FILIP1L: variants seen among roughly 807,000 people sequenced by gnomAD.
FILIP1L encodes filamin A-interacting protein 1-like.
FILIP1L carries 55 observed loss-of-function variants against 96.6 expected under a neutral mutation model. The ratio of observed to expected loss-of-function variants is 0.57; its 90% CI spans 0.46 to 0.71. FILIP1L has a LOEUF of 0.71. Ranked by LOEUF, FILIP1L falls within the 30% of genes least tolerant of loss-of-function variation. The pLI, the probability that FILIP1L is intolerant of heterozygous loss-of-function variation, is 0.00. For synonymous variants in FILIP1L, 467 were observed against 473.9 expected (o/e 0.99, Z 0.19); for missense variants, 1,304 against 1,321.2 (o/e 0.99, Z 0.20).
intron 4 of FILIP1L, among the ~76,000 whole-genome samples, chr3:99,904,953 A>G (rs1361806184): frequency 1.3e-5 from 2 of 152,096 alleles, no homozygotes; most frequent in East Asian, 3.9e-4. Flanking sequence ...TTCAGTGTCT[A>G]CCATTCTGAA....
chr3:99,876,201 A>G, intron 4 of FILIP1L: 5 of 985,344 alleles, frequency 5.1e-6, no homozygotes, highest in African/African-American at 1.7e-5. Flanking sequence ...CGCCCGGCCT[A>G]TGGGCGTTAC....
In FILIP1L at chr3:100,053,562, G is replaced by A. The variant is rs139987817; in HGVS notation, c.-11+60491C>T. ...TTTGACCTCATCTTAACTTGATTAC[G>A]TCAGCAAACACCCTATTTCCAAATA... On this transcript the variant is annotated intron_variant, in intron 1 of 5. Transcript: ENST00000477258. 3.5e-3 allele frequency among the ~76,000 whole-genome samples: 527 copies of A among 152,226 alleles called. 1 individual carries two copies. Among genetic ancestry groups the A allele is most frequent in the Non-Finnish European group, 5.6e-3 (384 of 67,998 alleles).
intron 3 of FILIP1L, among the ~76,000 whole-genome samples, chr3:99,927,664 C>T (rs753774287): frequency 1.1e-4 from 16 of 152,124 alleles, no homozygotes; most frequent in Non-Finnish European, 2.1e-4. Context: ...CCACTGCGCC[C>T]GGCCCATATT....
In FILIP1L at chr3:99,849,819, G is replaced by C. The variant is rs759109740; in HGVS notation, c.1857C>G (p.His619Gln). The C allele has an allele frequency of 8.1e-6, 13 of 1,611,568 alleles. No individual in the cohort carries two copies. The highest frequency in any genetic ancestry group is 1.0e-5 in the Non-Finnish European group (12 of 1,179,640). ...QDSGKSTTALHQENNKIKELS... is the reference protein window; with the variant it reads ...QDSGKSTTALQQENNKIKELS... Reference sequence around the variant, plus strand: ...GCTCCTTAATCTTATTGTTTTCTTGGTGTAATGCTGTTGTGGATTTCCCAG... The same window carrying C: ...GCTCCTTAATCTTATTGTTTTCTTGCTGTAATGCTGTTGTGGATTTCCCAG... The change falls in exon 5 of 6, where the codon CAC (histidine) becomes CAG (glutamine). Residue 619 changes from histidine (H) to glutamine (Q), a missense_variant. Coordinates refer to ENST00000477258, the MANE Select transcript of FILIP1L (RefSeq NM_001387850.1).
intron 1 of FILIP1L, among the ~76,000 whole-genome samples, chr3:100,015,585 C>G (rs1445138669): frequency 6.6e-6 from 1 of 152,168 alleles, no homozygotes; most frequent in African/African-American, 2.4e-5. Context: ...TTCATTGCTT[C>G]TAGAATTCTG....
chr3:99,947,810 G>C (rs1298555656), intron 1 of FILIP1L, among the ~76,000 whole-genome samples: 3 of 152,120 alleles, frequency 2.0e-5, no homozygotes, highest in Non-Finnish European at 4.4e-5. Context: ...TGAAAGTTGA[G>C]AATTTGAAAA....
chr3:100,049,409 G>A (rs2065332576), intron 1 of FILIP1L, among the ~76,000 whole-genome samples: 2 of 152,122 alleles, frequency 1.3e-5, no homozygotes, highest in Admixed American at 1.3e-4. Flanking sequence ...AAATCACTCA[G>A]CATTATAAGG....
At chr3:99,947,234 G>C (rs776162608) in intron 1 of FILIP1L, among the ~76,000 whole-genome samples, 2 of 151,266 alleles carry the variant, frequency 1.3e-5, no homozygotes, top group Non-Finnish European at 1.5e-5. Flanking sequence ...ATTCAACCAC[G>C]CAGAGATTTA....
intron 4 of FILIP1L, among the ~76,000 whole-genome samples, chr3:99,908,518 G>T (rs534210722): frequency 6.6e-6 from 1 of 152,278 alleles, no homozygotes; most frequent in South Asian, 2.1e-4. Context: ...TGATCACTTA[G>T]GTTTGGGAAC....
chr3:100,113,141 T>C (rs1162309068), intron 1 of FILIP1L, among the ~76,000 whole-genome samples: 3 of 152,340 alleles, frequency 2.0e-5, no homozygotes, highest in East Asian at 1.9e-4. Context: ...TAAAGAAAGA[T>C]ATGTAATCAT....
At chr3:100,080,622 A>T (rs1356798720) in intron 1 of FILIP1L, among the ~76,000 whole-genome samples, 2 of 152,180 alleles carry the variant, frequency 1.3e-5, no homozygotes, top group Non-Finnish European at 2.9e-5. Context: ...TGAAGGAGTG[A>T]TGCCTTGTTC....
chr3:100,009,455 G>A (rs1029147196), intron 1 of FILIP1L, among the ~76,000 whole-genome samples: 6 of 152,142 alleles, frequency 3.9e-5, no homozygotes, highest in African/African-American at 1.2e-4. Context: ...AGACTAGAGG[G>A]CTGGGGTGAC....
intron 1 of FILIP1L, among the ~76,000 whole-genome samples, chr3:99,950,621 G>A (rs1708147815): frequency 6.6e-6 from 1 of 152,162 alleles, no homozygotes; most frequent in Admixed American, 6.5e-5. Flanking sequence ...GCCCATGGCT[G>A]TATGACTATC....
chr3:99,931,653 C>T (rs1707486962), intron 1 of FILIP1L, among the ~76,000 whole-genome samples: 2 of 152,140 alleles, frequency 1.3e-5, no homozygotes, highest in African/African-American at 4.8e-5. Context: ...TGACATTCTT[C>T]TAAAATTCTA....
At chr3:100,075,603 G>T (rs2065837894) in intron 1 of FILIP1L, 1 of 149,890 alleles carries the variant, frequency 6.7e-6, no homozygotes, top group Non-Finnish European at 1.5e-5. Context: ...CCCACTGATG[G>T]CAGACTCTGT....
chr3:99,924,298 C>G lies in FILIP1L; in HGVS notation c.537G>C (p.Lys179Asn). The G allele has an allele frequency of 6.2e-7, 1 of 1,614,056 alleles. No homozygotes were observed. The highest frequency in any genetic ancestry group is 1.1e-5 in the South Asian group (1 of 91,070). ...RQTILELEEEKRKHKEYMEKS... is the reference protein window; with the variant it reads ...RQTILELEEENRKHKEYMEKS... ...TCTCCATGTATTCTTTATGTTTTCT[C>G]TTTTCTTCCTCCAACTCCAATATGG... is the stretch of plus-strand genomic sequence containing the variant. Residue 179 changes from lysine to asparagine, a missense_variant, in exon 4 of 6, where the codon AAG (lysine) becomes AAC (asparagine). By Grantham distance (94) the Lys-to-Asn change is moderately conservative. Transcript: ENST00000477258.
At chr3:100,014,589 A>G (rs1398040547) in intron 1 of FILIP1L, among the ~76,000 whole-genome samples, 1 of 152,124 alleles carries the variant, frequency 6.6e-6, no homozygotes, top group Admixed American at 6.6e-5. Context: ...CCTGATGTCT[A>G]GTGATGTTAA....
At chr3:100,112,669 T>C (rs1309260464) in intron 1 of FILIP1L, among the ~76,000 whole-genome samples, 2 of 152,210 alleles carry the variant, frequency 1.3e-5, no homozygotes, top group Non-Finnish European at 2.9e-5. Flanking sequence ...TATTGGTTAG[T>C]ATAAGAATCC....
At chr3:99,928,324 G>C (rs1176722695) in intron 3 of FILIP1L, among the ~76,000 whole-genome samples, 1 of 152,166 alleles carries the variant, frequency 6.6e-6, no homozygotes, top group Non-Finnish European at 1.5e-5. Context: ...TTTTGGCTTC[G>C]AGGAATTGCA....
Sources: allele counts gnomAD v4.1 joint callset (sites outside exome capture counted in the v4.1 genomes callset), GRCh38; gene constraint gnomAD v4.1.1; transcripts MANE v1.5; gene names NCBI Gene and HGNC (gene_info 2026-07-23, HGNC 2026-07-21).